GTF2A1: variants seen among roughly 807,000 people sequenced by gnomAD.
GTF2A1 encodes general transcription factor IIA subunit 1, also known as transcription initiation factor IIA subunit 1.
In GTF2A1, 12 loss-of-function variants were observed where a neutral mutation model predicts 54.1. That is an observed-to-expected ratio of 0.22 (90% CI 0.14 to 0.36). The LOEUF is 0.36. Among genes scored for constraint, GTF2A1 ranks in the 10% least tolerant of loss-of-function variants. GTF2A1 has a pLI of 1.00. For missense variants in GTF2A1, 335 were observed against 442.2 expected, an observed-to-expected ratio of 0.76 and a Z score of 2.17; for synonymous variants, 145 against 152.0, an observed-to-expected ratio of 0.95 and a Z score of 0.34.
At chr14:81,180,938 A>G (rs1892626019) in intron 8 of GTF2A1, among the ~76,000 whole-genome samples, 1 of 152,246 alleles carries the variant, frequency 6.6e-6, no homozygotes, top group African/African-American at 2.4e-5. Context: ...TTTGTAAGTA[A>G]TACAATTATG....
rs1316468939 is a variant in GTF2A1 at position 81,196,141 on chromosome 14, C to A, written c.579G>T (p.Gln193His). Residue 193 changes from glutamine (Q) to histidine (H), a missense_variant, in exon 6 of 9, where the codon CAG becomes CAT. Coordinates refer to ENST00000553612, the MANE Select transcript of GTF2A1 (RefSeq NM_015859.4). ...VLQQQVIPQM[Q>H]PGGVQAPVIQ... Reference sequence around the variant, plus strand: ...TAACAGGAGCTTGTACTCCACCAGGCTGCATTTGTGGTATAACCTGTTGTT... The same window carrying A: ...TAACAGGAGCTTGTACTCCACCAGGATGCATTTGTGGTATAACCTGTTGTT... 6.2e-7 allele frequency: 1 copy of A among 1,613,776 alleles called. No individual in the cohort carries two copies. Among genetic ancestry groups the A allele is most frequent in the East Asian group, 2.2e-5 (1 of 44,876 alleles).
At chr14:81,185,282 T>G (rs1892719480) in intron 8 of GTF2A1, among the ~76,000 whole-genome samples, 2 of 152,214 alleles carry the variant, frequency 1.3e-5, no homozygotes, top group African/African-American at 2.4e-5. Flanking sequence ...AAAGACTGTC[T>G]AAATAGAAAA....
chr14:81,216,595 C>A (rs578185305), intron 1 of GTF2A1, 81 bp from the exon 2 acceptor site: 29 of 647,594 alleles, frequency 4.5e-5, no homozygotes, highest in Non-Finnish European at 7.1e-5. Context: ...AAATTCAAAA[C>A]GAATAGTCAT....
intron 7 of GTF2A1, among the ~76,000 whole-genome samples, chr14:81,190,062 G>A (rs1388247601): frequency 6.6e-6 from 1 of 151,882 alleles, no homozygotes; most frequent in African/African-American, 2.4e-5. Context: ...AAAGGATTCT[G>A]GCATCAAAAA....
At chr14:81,207,143 C>CTACCTACG (rs1893252191) in intron 2 of GTF2A1, among the ~76,000 whole-genome samples, 1 of 15,828 alleles carries the variant, frequency 6.3e-5, no homozygotes, top group Non-Finnish European at 2.8e-4. Context: ...ACCTACGTAC[C>CTACCTACG]TACCTACCTA....
chr14:81,188,304 C>T (rs767182739), intron 7 of GTF2A1, among the ~76,000 whole-genome samples: 4 of 152,114 alleles, frequency 2.6e-5, no homozygotes, highest in Non-Finnish European at 4.4e-5. Flanking sequence ...CACTCCAGCC[C>T]GGGAGGTCAA....
At chr14:81,217,357 AT>A (rs1337512012) in intron 1 of GTF2A1, among the ~76,000 whole-genome samples, 5 of 152,106 alleles carry the variant, frequency 3.3e-5, no homozygotes, top group African/African-American at 4.8e-5. Flanking sequence ...TCCACATCCT[AT>A]TTTTTCCCCC....
At chr14:81,209,927 T>C in intron 2 of GTF2A1, 2 of 1,266,888 alleles carry the variant, frequency 1.6e-6, no homozygotes, top group Non-Finnish European at 2.1e-6. Context: ...GCAACTGTCT[T>C]ATTCAGGATC....
intron 2 of GTF2A1, 162 bp from the exon 3 acceptor site, chr14:81,204,266 A>G (rs1455738144): frequency 3.9e-6 from 3 of 760,740 alleles, no homozygotes; most frequent in East Asian, 2.5e-5. Flanking sequence ...AACAATAACA[A>G]AAACAAAATT....
At chr14:81,219,884 C>G (rs752541896) in intron 1 of GTF2A1, among the ~76,000 whole-genome samples, 8 of 152,182 alleles carry the variant, frequency 5.3e-5, no homozygotes, top group Non-Finnish European at 7.3e-5. Context: ...CCATTTTACC[C>G]ATTCGGAAGG....
At chr14:81,214,514 C>T (rs533683514) in intron 2 of GTF2A1, among the ~76,000 whole-genome samples, 2 of 151,796 alleles carry the variant, frequency 1.3e-5, no homozygotes, top group Non-Finnish European at 2.9e-5. Flanking sequence ...GGCGTCGTGG[C>T]GGGCGCCTGT....
At position 81,220,623 on chromosome 14, in the gene GTF2A1, G is replaced by GC. The variant is rs1358882441; in HGVS notation, c.-106dup. The GC allele has an allele frequency of 5.9e-6, 5 of 851,108 alleles. No homozygotes were observed. The highest frequency in any genetic ancestry group is 7.0e-6 in the Non-Finnish European group (4 of 570,192). 52.7% of individuals were successfully genotyped at this position (851,108 alleles called of 1,614,324 possible). On this transcript the variant is annotated 5_prime_UTR_variant, in exon 1 of 9. Coordinates refer to ENST00000553612, the MANE Select transcript of GTF2A1 (RefSeq NM_015859.4). ...CACCCGGAGGGTGACCCAAATCACC[G>GC]CAAGATTGGGGAAAAAATTTTAAAC...
At chr14:81,197,034 A>G (rs1893007468) in intron 5 of GTF2A1, among the ~76,000 whole-genome samples, 1 of 152,238 alleles carries the variant, frequency 6.6e-6, no homozygotes, top group Non-Finnish European at 1.5e-5. Context: ...ATAATAGCAT[A>G]CAATAAATTT....
chr14:81,202,978 T>C (rs1480125682), intron 3 of GTF2A1: 1 of 336,092 alleles, frequency 3.0e-6, no homozygotes, highest in Non-Finnish European at 5.7e-6. Flanking sequence ...ATATATATAC[T>C]GTCAAATGAG....
In GTF2A1 at chr14:81,196,214, G is replaced by A; in HGVS notation, c.506C>T (p.Ala169Val). The A allele has an allele frequency of 6.2e-7, 1 of 1,614,082 alleles. No homozygotes were observed. The highest frequency in any genetic ancestry group is 8.5e-7 in the Non-Finnish European group (1 of 1,179,954). The change falls in exon 6 of 9, where the codon GCC (alanine) becomes GTC (valine). Residue 169 changes from alanine to valine, a missense_variant. Ala to Val is a moderately conservative substitution (Grantham distance 64, BLOSUM62 0). Transcript: ENST00000553612. ...CTGAAAGATATATTGGGCACCATTG[G>A]CTGCTCTGACCACCTGAAGAAGCTG... is the stretch of plus-strand genomic sequence containing the variant. ...SGQLLQVVRA[A>V]NGAQYIFQPQ... is the part of the protein sequence containing the mutation.
At chr14:81,208,609 T>C (rs141536738) in intron 2 of GTF2A1, among the ~76,000 whole-genome samples, 1,580 of 152,248 alleles carry the variant, frequency 0.01, 30 homozygotes, top group African/African-American at 0.036. Flanking sequence ...GCTTGCACCG[T>C]GCTCCTGGAA....
intron 2 of GTF2A1, among the ~76,000 whole-genome samples, chr14:81,206,200 G>GCTAA (rs1893226122): frequency 2.0e-5 from 3 of 152,086 alleles, no homozygotes; most frequent in African/African-American, 7.2e-5. Flanking sequence ...ATCATGTGTG[G>GCTAA]CTAAGTACTG....
intron 4 of GTF2A1, among the ~76,000 whole-genome samples, chr14:81,199,604 G>A (rs928469434): frequency 6.6e-6 from 1 of 152,148 alleles, no homozygotes; most frequent in Non-Finnish European, 1.5e-5. Context: ...TACTGATTAT[G>A]TTCAGAAATA....
At chr14:81,211,368 A>G (rs891305821) in intron 2 of GTF2A1, among the ~76,000 whole-genome samples, 1 of 152,122 alleles carries the variant, frequency 6.6e-6, no homozygotes, top group African/African-American at 2.4e-5. Context: ...ACAACCCAAG[A>G]TCTAGTCAAA....
Sources: gnomAD v4.1 joint callset for allele counts (sites outside exome capture counted in the v4.1 genomes callset) on GRCh38, gnomAD v4.1.1 for gene constraint, MANE v1.5 for transcripts, NCBI Gene and HGNC (gene_info 2026-07-23, HGNC 2026-07-21) for gene names.